Variants in POLK observed in about 807,000 individuals in gnomAD.
POLK encodes polymerase (DNA directed) kappa.
A neutral mutation model predicts 94.0 loss-of-function variants in POLK; 76 were observed. The observed-to-expected ratio is 0.81, with a 90% confidence interval of 0.67 to 0.98. The LOEUF (loss-of-function observed/expected upper bound fraction) is 0.98. Ranked by LOEUF, POLK falls within the 50% of genes least tolerant of loss-of-function variation. The pLI is 0.00. For synonymous variants in POLK, 349 were observed against 325.4 expected (o/e 1.07, Z -0.78); for missense variants, 954 against 1,010.1 (o/e 0.94, Z 0.75).
intron 4 of POLK, among the ~76,000 whole-genome samples, chr5:75,570,589 G>A (rs1771538649): frequency 6.6e-6 from 1 of 152,160 alleles, no homozygotes; most frequent in Admixed American, 6.6e-5. Flanking sequence ...CAGTTAAATT[G>A]TTTTTCCCAT....
chr5:75,552,693 G>A, intron 3 of POLK, 102 bp downstream of exon 3: 1 of 1,147,402 alleles, frequency 8.7e-7, no homozygotes, highest in Non-Finnish European at 1.2e-6. Context: ...AAATGTAAAT[G>A]TTCATTATAT....
intron 1 of POLK, among the ~76,000 whole-genome samples, chr5:75,540,788 T>G (rs1456385599): frequency 3.9e-5 from 6 of 152,184 alleles, no homozygotes; most frequent in African/African-American, 1.4e-4. Flanking sequence ...TAGGTATTTT[T>G]GCCGACATCT....
intron 1 of POLK, among the ~76,000 whole-genome samples, chr5:75,543,010 CTTATTTAT>C (rs61605357): frequency 0.013 from 1,634 of 130,428 alleles, 16 homozygotes; most frequent in East Asian, 0.03. Context: ...CGCGCCCAGC[CTTATTTAT>C]TTATTTATTT....
chr5:75,570,261 T>C (rs982567809), intron 4 of POLK, among the ~76,000 whole-genome samples: 1 of 152,204 alleles, frequency 6.6e-6, no homozygotes, highest in Non-Finnish European at 1.5e-5. Flanking sequence ...ACAAACCTAA[T>C]AATTTCCATG....
At chr5:75,535,883 T>G (rs930815625) in intron 1 of POLK, among the ~76,000 whole-genome samples, 2 of 152,242 alleles carry the variant, frequency 1.3e-5, no homozygotes, top group East Asian at 3.8e-4. Context: ...ATTTCTTGAA[T>G]TGGGTTTTGA....
the POLK span, chr5:75,609,162 AT>A: frequency 2.6e-5 from 4 of 152,202 alleles, no homozygotes; most frequent in East Asian, 7.7e-4. Flanking sequence ...TGATAAGAGG[AT>A]TTTTTTAAAA....
exon 5 of POLK, chr5:75,573,747 A>C: frequency 1.9e-6 from 3 of 1,613,002 alleles, no homozygotes; most frequent in Non-Finnish European, 2.5e-6. Flanking sequence ...GTCTACTTCA[A>C]ATTACCATGC....
intron 1 of POLK, among the ~76,000 whole-genome samples, chr5:75,517,192 T>G (rs903224838): frequency 6.6e-6 from 1 of 152,192 alleles, no homozygotes; most frequent in Non-Finnish European, 1.5e-5. Context: ...ATGTCACTGG[T>G]ATTTTGATAG....
At position 75,578,462 on chromosome 5, in the gene POLK, A is replaced by T. The variant is rs1227315303; in HGVS notation, c.694+1529A>T. Reference sequence around the variant, plus strand: ...ATGAGCCACCACGCCCAGCCTACTAATGTTCTTTTCATTTATTATAATGTC... The same window carrying T: ...ATGAGCCACCACGCCCAGCCTACTATTGTTCTTTTCATTTATTATAATGTC... On this transcript the variant is annotated intron_variant, in intron 6 of 14. Transcript: ENST00000241436. Among the ~76,000 whole-genome samples the T allele has an allele frequency of 2.6e-5, 4 of 152,176 alleles. No homozygotes were observed. In the East Asian group the frequency reaches 7.7e-4, roughly 29 times the overall value.
exon 6 of POLK, chr5:75,576,789 A>C: frequency 4.0e-6 from 6 of 1,505,178 alleles, no homozygotes; most frequent in Non-Finnish European, 4.4e-6. Context: ...GGTTAAGGAA[A>C]TACTTGCTGA....
chr5:75,565,136 C>T (rs1771200982), intron 3 of POLK, among the ~76,000 whole-genome samples: 1 of 152,098 alleles, frequency 6.6e-6, no homozygotes, highest in Admixed American at 6.5e-5. Flanking sequence ...AGTTGATCTT[C>T]AGTCTCTGAT....
downstream of POLK, among the ~76,000 whole-genome samples, chr5:75,605,118 T>TACACACACAC (rs3842052): frequency 4.3e-3 from 637 of 146,820 alleles, 2 homozygotes; most frequent in East Asian, 0.018. Flanking sequence ...TGTATACACA[T>TACACACACAC]ACACACACAC....
intron 1 of POLK, among the ~76,000 whole-genome samples, chr5:75,513,386 A>G (rs1768165549): frequency 6.6e-6 from 1 of 152,138 alleles, no homozygotes; most frequent in Non-Finnish European, 1.5e-5. Flanking sequence ...GTCTCCAAAG[A>G]CAGCTGTATT....
At chr5:75,588,347 A>G (rs1772581005) in intron 10 of POLK, among the ~76,000 whole-genome samples, 1 of 152,202 alleles carries the variant, frequency 6.6e-6, no homozygotes, top group African/African-American at 2.4e-5. Flanking sequence ...ACTCATAATC[A>G]ATAAAAAGGA....
chr5:75,595,817 G>A (rs548281800), intron 12 of POLK, among the ~76,000 whole-genome samples: 3 of 152,218 alleles, frequency 2.0e-5, no homozygotes, highest in African/African-American at 7.2e-5. Context: ...GGAGGGGTGT[G>A]CATGTGTAGG....
At chr5:75,599,329 T>C (rs1773236737) in exon 15 of POLK, 1 of 152,116 alleles carries the variant, frequency 6.6e-6, no homozygotes, top group Non-Finnish European at 1.5e-5. Context: ...GCTAAATCTT[T>C]TATATTTTTG....
chr5:75,583,449 T>G, intron 8 of POLK, 32 bp downstream of exon 8: 1 of 1,415,536 alleles, frequency 7.1e-7, no homozygotes, highest in Non-Finnish European at 9.9e-7. Context: ...TATTTATATA[T>G]GTACTCTGAA....
At chr5:75,538,613 A>C (rs1654913206) in intron 1 of POLK, 1 of 152,174 alleles carries the variant, frequency 6.6e-6, no homozygotes, top group South Asian at 2.1e-4. Context: ...CTTTCTGGTG[A>C]AGACCGGAAA....
chr5:75,574,162 A>G (rs983242500), intron 5 of POLK, among the ~76,000 whole-genome samples: 6 of 152,060 alleles, frequency 3.9e-5, no homozygotes, highest in African/African-American at 1.4e-4. Flanking sequence ...AAATTTAGCT[A>G]TTTTTTCTTA....
Sources: gnomAD v4.1 joint callset for allele counts (sites outside exome capture counted in the v4.1 genomes callset) on GRCh38, gnomAD v4.1.1 for gene constraint, MANE v1.5 for transcripts, NCBI Gene and HGNC (gene_info 2026-07-23, HGNC 2026-07-21) for gene names.